EEA1: variants seen among roughly 807,000 people sequenced by gnomAD.
The protein encoded by EEA1 is early endosome antigen 1.
A neutral mutation model predicts 209.2 loss-of-function variants in EEA1; 111 were observed. That is an observed-to-expected ratio of 0.53 (90% CI 0.45 to 0.62). The LOEUF is 0.62. Ranked by LOEUF, EEA1 falls within the 20% of genes least tolerant of loss-of-function variation. The pLI is 0.00. For missense variants in EEA1, 1,343 were observed against 1,530.8 expected (o/e 0.88, Z 2.05); for synonymous variants, 536 against 540.6 (o/e 0.99, Z 0.12).
chr12:92,836,669 C>A (rs928880322), intron 10 of EEA1, among the ~76,000 whole-genome samples: 2 of 152,106 alleles, frequency 1.3e-5, no homozygotes, highest in African/African-American at 4.8e-5. Context: ...AATGTCTTAA[C>A]CCCTCTGCCA....
chr12:92,803,083 A>G (rs1199043045), intron 18 of EEA1, among the ~76,000 whole-genome samples: 1 of 152,086 alleles, frequency 6.6e-6, no homozygotes, highest in Non-Finnish European at 1.5e-5. Flanking sequence ...ACGTTTTTCC[A>G]TAAAGAATCT....
rs959579682 is a variant in EEA1 at position 92,775,762 on chromosome 12, T to G, written c.*249A>C. 6 of 334,838 alleles carry G rather than the reference T, an allele frequency of 1.8e-5. No individual in the cohort carries two copies. The highest frequency in any genetic ancestry group is 3.2e-5 in the Non-Finnish European group (6 of 185,846). 20.7% of individuals were successfully genotyped at this position (334,838 alleles called of 1,614,324 possible). On this transcript the variant is annotated 3_prime_UTR_variant, in exon 29 of 29. Transcript: ENST00000322349. ...AGTTTATTTACATTTCATTGGCTAATTCTAAACTTGGCATGAAAGCTATTC... is the reference window on the plus strand; with the variant it reads ...AGTTTATTTACATTTCATTGGCTAAGTCTAAACTTGGCATGAAAGCTATTC...
intron 10 of EEA1, among the ~76,000 whole-genome samples, 197 bp downstream of exon 10, chr12:92,842,268 A>G (rs535218095): frequency 1.3e-5 from 2 of 152,204 alleles, no homozygotes; most frequent in African/African-American, 4.8e-5. Context: ...TGCAGAGTTA[A>G]CAGTTATAGA....
chr12:92,905,587 CAG>C (rs1254922273), intron 1 of EEA1: 1 of 151,700 alleles, frequency 6.6e-6, no homozygotes, highest in Non-Finnish European at 1.5e-5. Flanking sequence ...GCTTAGGTGA[CAG>C]AGAGACTCTG....
chr12:92,878,229 C>T (rs1260284477), intron 2 of EEA1, among the ~76,000 whole-genome samples: 27 of 151,984 alleles, frequency 1.8e-4, no homozygotes, highest in Admixed American at 1.8e-3. Flanking sequence ...AGCAAGACCC[C>T]TCGCTACAAG....
chr12:92,828,868 A>G (rs888935713), intron 11 of EEA1, among the ~76,000 whole-genome samples: 1 of 152,044 alleles, frequency 6.6e-6, no homozygotes, highest in Non-Finnish European at 1.5e-5. Context: ...GATATTCCCA[A>G]TTCCAAGTAC....
Position 92,781,943 on chromosome 12 carries a change from G to GCAAT in EEA1, c.3336+3_3336+6dup. 6.2e-7 allele frequency: 1 copy of GCAAT among 1,601,682 alleles called. No homozygotes were observed. Among genetic ancestry groups the GCAAT allele is most frequent in the South Asian group, 1.1e-5 (1 of 89,292 alleles). On this transcript the variant is annotated splice_region_variant and intron_variant, in intron 23 of 28. Coordinates refer to ENST00000322349, the MANE Select transcript of EEA1 (RefSeq NM_003566.4). ...GATTGTAGATTTAGGTCAGAAACAT[G>GCAAT]CAATACCTTTTCTTTCTGAATGTCT...
At chr12:92,848,165 T>G (rs1031254230) in intron 9 of EEA1, among the ~76,000 whole-genome samples, 3 of 151,874 alleles carry the variant, frequency 2.0e-5, no homozygotes, top group Admixed American at 1.3e-4. Flanking sequence ...TTATGAAAAT[T>G]TAAATGAAAA....
chr12:92,892,112 T>C (rs1188678531), intron 1 of EEA1, among the ~76,000 whole-genome samples: 1 of 152,018 alleles, frequency 6.6e-6, no homozygotes, highest in African/African-American at 2.4e-5. Context: ...GTTTTTTGAG[T>C]TGGGGTCTTG....
chr12:92,890,922 A>G (rs1879632580), intron 2 of EEA1, among the ~76,000 whole-genome samples: 1 of 152,154 alleles, frequency 6.6e-6, no homozygotes, highest in African/African-American at 2.4e-5. Flanking sequence ...GATAGCAGAG[A>G]AAAAAAGACT....
chr12:92,780,581 G>A (rs559299826), intron 23 of EEA1, among the ~76,000 whole-genome samples, 170 bp from the exon 24 acceptor site: 3 of 152,136 alleles, frequency 2.0e-5, no homozygotes, highest in African/African-American at 7.2e-5. Flanking sequence ...TATTTATACA[G>A]TGTGAACAAT....
At chr12:92,909,962 G>C (rs1880517033) in intron 1 of EEA1, among the ~76,000 whole-genome samples, 1 of 151,986 alleles carries the variant, frequency 6.6e-6, no homozygotes, top group East Asian at 1.9e-4. Context: ...GGTCAATGTG[G>C]AGAAACCTTG....
At chr12:92,824,139 T>A (rs980168603) in intron 13 of EEA1, among the ~76,000 whole-genome samples, 3 of 152,204 alleles carry the variant, frequency 2.0e-5, no homozygotes, top group Admixed American at 6.5e-5. Flanking sequence ...CTGGTCTCCA[T>A]CCTTCCAAAT....
chr12:92,790,261 C>T (rs148464714), intron 21 of EEA1, among the ~76,000 whole-genome samples: 1,628 of 152,286 alleles, frequency 0.011, 92 homozygotes, highest in Admixed American at 0.094. Flanking sequence ...AGCAACAGAA[C>T]AAAGCTGGAT....
Position 92,929,166 on chromosome 12 carries a change from G to T in EEA1, c.-100C>A. On this transcript the variant is annotated 5_prime_UTR_variant, in exon 1 of 29. Coordinates refer to ENST00000322349, the MANE Select transcript of EEA1 (RefSeq NM_003566.4). ...CGGGCGGGAGGGACTGGGCCGGGAG[G>T]GGACCGGGAAGGAGGTCGGGGCGAG... 1 of 1,296,594 alleles carries T rather than the reference G, an allele frequency of 7.7e-7. No homozygotes were observed. The highest frequency in any genetic ancestry group is 1.1e-6 in the Non-Finnish European group (1 of 939,100). The allele number at this position is 1,296,594 out of a possible 1,614,324, so 80.3% of individuals were successfully genotyped here.
In EEA1 at chr12:92,811,392, T is replaced by G. The variant is rs370956302; in HGVS notation, c.2086A>C (p.Lys696Gln). ...ITTQLDQVTA[K>Q]LQDKQEHCSQ... ...CAATGTTCTTGCTTGTCTTGTAACT[T>G]TGCAGTGACCTGATCCAACTGAGTA... is the stretch of plus-strand genomic sequence containing the variant. Residue 696 changes from lysine (K) to glutamine (Q), a missense_variant, in exon 17 of 29, where the codon AAG becomes CAG. By Grantham distance (53) the Lys-to-Gln change is moderately conservative (BLOSUM62 1). This residue lies in a region of EEA1 where 1,307 missense variants were observed against 1,465.5 expected (regional missense o/e 0.89). Transcript: ENST00000322349. 1.2e-6 allele frequency: 2 copies of G among 1,602,436 alleles called. No homozygotes were observed. Among genetic ancestry groups the G allele is most frequent in the Non-Finnish European group, 8.5e-7 (1 of 1,175,586 alleles).
intron 6 of EEA1, 98 bp downstream of exon 6, chr12:92,853,816 AT>A: frequency 8.4e-6 from 9 of 1,075,842 alleles, no homozygotes; most frequent in Non-Finnish European, 1.2e-5. Flanking sequence ...AAGCATAACC[AT>A]GAAACAAAAT....
chr12:92,825,233 T>C (rs1475432695), intron 13 of EEA1, among the ~76,000 whole-genome samples: 1 of 151,814 alleles, frequency 6.6e-6, no homozygotes, highest in East Asian at 1.9e-4. Context: ...AGGCGGAGCA[T>C]GAGGTCAGGA....
Position 92,922,959 on chromosome 12 carries a change from AAAAATAAAAT to A in EEA1, c.24+6074_24+6083del, listed in dbSNP as rs77973737. On this transcript the variant is annotated intron_variant, in intron 1 of 28. Transcript: ENST00000322349. ...GCCAACAAGAGCAAAACTCCACCTC[AAAAATAAAAT>A]AAAATAAAATAAAATAAAATAAAAT... Among the ~76,000 whole-genome samples, 905 of 145,582 alleles carry A rather than the reference AAAAATAAAAT, an allele frequency of 6.2e-3. 6 individuals are homozygous for A. The highest frequency in any genetic ancestry group is 0.021 in the African/African-American group (823 of 39,050).
Sources: gnomAD v4.1 joint callset for allele counts (sites outside exome capture counted in the v4.1 genomes callset) on GRCh38, gnomAD v4.1.1 for gene constraint, gnomAD v4.1.1 regional missense constraint, MANE v1.5 for transcripts, NCBI Gene and HGNC (gene_info 2026-07-23, HGNC 2026-07-21) for gene names.